The following ERBB4 variants were observed in gnomAD, a reference collection of about 807,000 sequenced individuals.
ERBB4 encodes the protein receptor tyrosine-protein kinase erbB-4.
In ERBB4, 42 loss-of-function variants were observed where a neutral mutation model predicts 158.0. That is an observed-to-expected ratio of 0.27 (90% CI 0.21 to 0.34). ERBB4 has a LOEUF of 0.34. Among genes scored for constraint, ERBB4 ranks in the 10% least tolerant of loss-of-function variants. The probability of loss-of-function intolerance (pLI) is 1.00; values close to 1 mark genes in which losing one functional copy is unlikely to be tolerated. For missense variants in ERBB4, 1,333 were observed against 1,624.1 expected (o/e 0.82, Z 3.08); for synonymous variants, 583 against 558.7 (o/e 1.04, Z -0.61).
chr2:211,472,994 G>T (rs1168582022), intron 20 of ERBB4, among the ~76,000 whole-genome samples: 3 of 151,768 alleles, frequency 2.0e-5, no homozygotes, highest in Non-Finnish European at 4.4e-5. Flanking sequence ...CTCCCCCAGG[G>T]ATATATGTGT....
intron 3 of ERBB4, among the ~76,000 whole-genome samples, chr2:211,898,830 G>A (rs183950631): frequency 2.4e-4 from 36 of 152,210 alleles, no homozygotes; most frequent in African/African-American, 8.4e-4. Flanking sequence ...CCAGTAGCAT[G>A]CCTATCATTC....
chr2:211,669,216 C>CAAAAAAAAAAAAA (rs71054124), intron 14 of ERBB4, among the ~76,000 whole-genome samples: 46 of 56,068 alleles, frequency 8.2e-4, no homozygotes, highest in African/African-American at 1.2e-3. Flanking sequence ...GAGTGAGTCT[C>CAAAAAAAAAAAAA]AAAAAAAAAA....
intron 2 of ERBB4, among the ~76,000 whole-genome samples, chr2:211,989,745 G>A (rs1559260817): frequency 6.6e-6 from 1 of 151,880 alleles, no homozygotes; most frequent in Admixed American, 6.6e-5. Flanking sequence ...GAATAAATAT[G>A]AGTTTTTATG....
intron 3 of ERBB4, among the ~76,000 whole-genome samples, chr2:211,908,052 AC>A (rs1314598758): frequency 1.3e-5 from 2 of 151,084 alleles, no homozygotes; most frequent in African/African-American, 4.9e-5. Flanking sequence ...GGAAAAAAAA[AC>A]ATATTTAGGT....
rs184196266 is a variant in ERBB4 at position 212,353,486 on chromosome 2, T to A, written c.82+184963A>T. ...AATATATACATATATAAAATACAAATTATTTCCTAGACAGATATAATCTAC... is the reference window on the plus strand; with the variant it reads ...AATATATACATATATAAAATACAAAATATTTCCTAGACAGATATAATCTAC... On this transcript the variant is annotated intron_variant, in intron 1 of 27. Coordinates refer to ENST00000342788, the MANE Select transcript of ERBB4 (RefSeq NM_005235.3). Among the ~76,000 whole-genome samples, 281 of 150,270 alleles carry A rather than the reference T, an allele frequency of 1.9e-3. 1 individual carries two copies. The highest frequency in any genetic ancestry group is 3.0e-3 in the Non-Finnish European group (201 of 67,614).
At chr2:211,677,982 A>G (rs2072153289) in intron 13 of ERBB4, among the ~76,000 whole-genome samples, 1 of 152,192 alleles carries the variant, frequency 6.6e-6, no homozygotes, top group Non-Finnish European at 1.5e-5. Context: ...ACATTATAAC[A>G]TTGATGAAGG....
chr2:211,580,263 A>C (rs1219801934), intron 19 of ERBB4, among the ~76,000 whole-genome samples: 1 of 152,198 alleles, frequency 6.6e-6, no homozygotes, highest in Non-Finnish European at 1.5e-5. Flanking sequence ...AAGGACAAAT[A>C]TCCAGAATCT....
chr2:212,133,454 T>C (rs2080174216), intron 1 of ERBB4, among the ~76,000 whole-genome samples: 1 of 150,372 alleles, frequency 6.7e-6, no homozygotes, highest in Admixed American at 6.6e-5. Context: ...ATTTACATTA[T>C]ACATCTGCAA....
chr2:211,414,500 T>TAAAAAAAAAAAAAAAAAAAAAA (rs71047174), intron 25 of ERBB4, among the ~76,000 whole-genome samples: 2 of 102,126 alleles, frequency 2.0e-5, no homozygotes, highest in South Asian at 3.0e-4. Context: ...CAGTCTCAAT[T>TAAAAAAAAAAAAAAAAAAAAAA]AAAAAAAAAA....
intron 20 of ERBB4, among the ~76,000 whole-genome samples, chr2:211,462,085 C>T (rs2064548666): frequency 6.6e-6 from 1 of 151,822 alleles, no homozygotes; most frequent in Admixed American, 6.6e-5. Flanking sequence ...GTTTTGCAGG[C>T]TCTACAGGAA....
At chr2:212,023,034 T>G (rs1488545187) in intron 2 of ERBB4, among the ~76,000 whole-genome samples, 1 of 152,126 alleles carries the variant, frequency 6.6e-6, no homozygotes, top group Non-Finnish European at 1.5e-5. Context: ...TTTTTTCATT[T>G]GCACATAACT....
At chr2:212,324,427 A>G in intron 1 of ERBB4, among the ~76,000 whole-genome samples, 1 of 150,210 alleles carries the variant, frequency 6.7e-6, no homozygotes, top group East Asian at 2.0e-4. Context: ...CATTGTGTTT[A>G]ACATTGAGAG....
At chr2:212,369,187 A>G (rs1215113416) in intron 1 of ERBB4, among the ~76,000 whole-genome samples, 1 of 152,214 alleles carries the variant, frequency 6.6e-6, no homozygotes, top group Non-Finnish European at 1.5e-5. Flanking sequence ...GTTCATAAAA[A>G]GAGATTAATT....
chr2:211,992,284 C>G (rs758915646), intron 2 of ERBB4, among the ~76,000 whole-genome samples: 2 of 152,064 alleles, frequency 1.3e-5, no homozygotes, highest in African/African-American at 2.4e-5. Flanking sequence ...GTGAAAGGCA[C>G]TTCTTACATG....
intron 2 of ERBB4, among the ~76,000 whole-genome samples, chr2:212,055,013 C>A (rs1029895603): frequency 6.6e-6 from 1 of 152,058 alleles, no homozygotes; most frequent in Non-Finnish European, 1.5e-5. Flanking sequence ...ATCTCCTCAC[C>A]CGGGAAGCAT....
intron 9 of ERBB4, among the ~76,000 whole-genome samples, chr2:211,709,272 T>TATATATAC (rs1216222413): frequency 7.1e-6 from 1 of 141,086 alleles, no homozygotes; most frequent in African/African-American, 2.8e-5. Flanking sequence ...TATATATATA[T>TATATATAC]ATACATACAT....
intron 19 of ERBB4, among the ~76,000 whole-genome samples, chr2:211,617,012 G>A (rs1441335604): frequency 6.6e-6 from 1 of 151,950 alleles, no homozygotes; most frequent in African/African-American, 2.4e-5. Context: ...CTCCACTCTT[G>A]TTTCCATGGG....
At chr2:212,068,952 T>C (rs1341334702) in intron 2 of ERBB4, among the ~76,000 whole-genome samples, 1 of 152,104 alleles carries the variant, frequency 6.6e-6, no homozygotes, top group Non-Finnish European at 1.5e-5. Context: ...GGTTTGCTGA[T>C]AGTCTCATAA....
intron 2 of ERBB4, among the ~76,000 whole-genome samples, chr2:212,065,015 G>GTA (rs2077897436): frequency 1.3e-5 from 2 of 150,912 alleles, no homozygotes; most frequent in African/African-American, 4.9e-5. Context: ...GTGTGTGTGT[G>GTA]TGTGTGTGTG....
Sources: gnomAD v4.1 joint callset for allele counts (sites outside exome capture counted in the v4.1 genomes callset) on GRCh38, gnomAD v4.1.1 for gene constraint, MANE v1.5 for transcripts, NCBI Gene and HGNC (gene_info 2026-07-23, HGNC 2026-07-21) for gene names.